The following INTU variants were observed in gnomAD, a reference collection of about 807,000 sequenced individuals.
INTU encodes protein inturned.
In INTU, 68 loss-of-function variants were observed where a neutral mutation model predicts 100.5. The observed-to-expected ratio is 0.68, with a 90% CI of 0.56 to 0.83. The LOEUF is 0.83. INTU is among the 40% of genes least tolerant of loss of function. The pLI, the probability that INTU is intolerant of heterozygous loss-of-function variation, is 0.00. For missense variants in INTU, 1,071 were observed against 1,114.7 expected, an observed-to-expected ratio of 0.96 and a Z score of 0.56; for synonymous variants, 357 against 395.7, an observed-to-expected ratio of 0.90 and a Z score of 1.16.
chr4:127,710,023 C>CGACT (rs1731035167), intron 13 of INTU, among the ~76,000 whole-genome samples: 1 of 152,124 alleles, frequency 6.6e-6, no homozygotes, highest in Admixed American at 6.6e-5. Context: ...TCACAAAACT[C>CGACT]TAGTCTTCCA....
chr4:127,660,221 G>T (rs1476053181), intron 3 of INTU, among the ~76,000 whole-genome samples: 1 of 152,070 alleles, frequency 6.6e-6, no homozygotes, highest in East Asian at 1.9e-4. Flanking sequence ...GAAGGAAAGA[G>T]GACAATATTT....
chr4:127,663,529 C>T lies in INTU; in HGVS notation c.917C>T (p.Pro306Leu). 1 of 1,613,410 alleles carries T rather than the reference C, an allele frequency of 6.2e-7. No homozygotes were observed. The highest frequency in any genetic ancestry group is 8.5e-7 in the Non-Finnish European group (1 of 1,179,566). Residue 306 changes from proline to leucine, a missense_variant, in exon 4 of 16, where the codon CCT becomes CTT. Coordinates refer to ENST00000335251, the MANE Select transcript of INTU (RefSeq NM_015693.4). The part of the protein sequence containing the change: ...EGIQQSGLNT[P>L]HIIMYLTLQL... Reference sequence around the variant, plus strand: ...ATCCAGCAGAGTGGCCTAAACACTCCTCATATCATTATGTATCTCACACTA... The same window carrying T: ...ATCCAGCAGAGTGGCCTAAACACTCTTCATATCATTATGTATCTCACACTA...
Position 127,674,127 on chromosome 4 carries a change from A to G in INTU, c.1095A>G (p.Ser365=). 6.2e-7 allele frequency: 1 copy of G among 1,604,862 alleles called. No homozygotes were observed. The highest frequency in any genetic ancestry group is 8.5e-7 in the Non-Finnish European group (1 of 1,173,278). The change falls in exon 6 of 16, where the codon TCA becomes TCG. Residue 365 remains serine, a synonymous_variant. Transcript: ENST00000335251. The part of the protein sequence containing the change: ...ENVTGTQVTS[S]SLLLNGKQIH... ...TTTTGAATATATTGTTTCTTAGTTC[A>G]TCCCTCCTTTTAAATGGAAAACAAA...
Position 127,706,756 on chromosome 4 carries a change from A to T in INTU, c.2058A>T (p.Val686=), listed in dbSNP as rs770616172. 2 of 1,614,138 alleles carry T rather than the reference A, an allele frequency of 1.2e-6. No homozygotes were observed. The highest frequency in any genetic ancestry group is 2.2e-5 in the South Asian group (2 of 91,088). Residue 686 remains valine (V), a synonymous_variant, in exon 12 of 16, where the codon GTA becomes GTT. Coordinates refer to ENST00000335251, the MANE Select transcript of INTU (RefSeq NM_015693.4). ...ILSRLQGTSK[V]ATSPTCRRTL... ...GTAGGCTACAAGGTACTTCCAAAGTAGCAACTTCTCCAACATGCAGAAGAA... is the reference window on the plus strand; with the variant it reads ...GTAGGCTACAAGGTACTTCCAAAGTTGCAACTTCTCCAACATGCAGAAGAA...
chr4:127,657,647 C>A (rs746116130), intron 3 of INTU, among the ~76,000 whole-genome samples: 20 of 151,868 alleles, frequency 1.3e-4, no homozygotes, highest in Non-Finnish European at 2.9e-4. Context: ...CCTAGGAGCA[C>A]GAACCCTATT....
intron 6 of INTU, 91 bp from the exon 7 acceptor site, chr4:127,684,318 G>A (rs904365334): frequency 3.5e-5 from 25 of 718,522 alleles, no homozygotes; most frequent in South Asian, 2.4e-4. Context: ...TTCACATTCC[G>A]TATGTGTAAA....
rs182475321 is a variant in INTU, at chr4:127,649,524, A to G, written c.682+5468A>G. On this transcript the variant is annotated intron_variant, in intron 2 of 15. Transcript: ENST00000335251. ...AGTGCTTCCAATTTTTTTTTTTTTA[A>G]TATTGCATTATACTTACCTGTTGAG... 2.7e-3 allele frequency among the ~76,000 whole-genome samples: 410 copies of G among 151,122 alleles called. 7 individuals are homozygous for G. The highest frequency in any genetic ancestry group is 0.01 in the East Asian group (53 of 5,158).
intron 6 of INTU, among the ~76,000 whole-genome samples, chr4:127,678,826 G>A (rs1463611547): frequency 6.6e-6 from 1 of 152,018 alleles, no homozygotes; most frequent in Admixed American, 6.6e-5. Context: ...AAAGAGTCAA[G>A]ACCCATCAGT....
intron 2 of INTU, among the ~76,000 whole-genome samples, chr4:127,656,147 G>A (rs1036885466): frequency 9.2e-5 from 14 of 152,122 alleles, no homozygotes; most frequent in African/African-American, 1.7e-4. Flanking sequence ...AGATGAACCC[G>A]GTACCTCAGA....
intron 6 of INTU, among the ~76,000 whole-genome samples, chr4:127,675,245 A>T (rs1456963365): frequency 6.6e-6 from 1 of 152,244 alleles, no homozygotes; most frequent in Non-Finnish European, 1.5e-5. Flanking sequence ...GGAATCAAAT[A>T]TCAAAATAAA....
rs1731409470 is a variant in INTU, at chr4:127,725,829, C to G, written c.*9393C>G. 6.6e-6 allele frequency: 1 copy of G among 152,140 alleles called. No individual in the cohort carries two copies. Among genetic ancestry groups the G allele is most frequent in the South Asian group, 2.1e-4 (1 of 4,814 alleles). The allele number at this position is 152,140 out of a possible 1,614,324, so 9.4% of individuals were successfully genotyped here. On this transcript the variant is annotated 3_prime_UTR_variant, in exon 16 of 16. Transcript: ENST00000335251. Reference sequence around the variant, plus strand: ...TTCTAAATGGATATTGAACTAAGCTCTGAAGGCAAACTTAGCTGCCTATTT... The same window carrying G: ...TTCTAAATGGATATTGAACTAAGCTGTGAAGGCAAACTTAGCTGCCTATTT...
chr4:127,700,949 T>C (rs1730621486), intron 9 of INTU, among the ~76,000 whole-genome samples: 1 of 152,104 alleles, frequency 6.6e-6, no homozygotes, highest in Admixed American at 6.6e-5. Flanking sequence ...ATGAAAGTAG[T>C]CTAACTGAAA....
intron 2 of INTU, among the ~76,000 whole-genome samples, chr4:127,650,076 T>C (rs1036231920): frequency 6.6e-6 from 1 of 152,186 alleles, no homozygotes; most frequent in African/African-American, 2.4e-5. Flanking sequence ...CAGTGTATTT[T>C]GATATGGTTG....
intron 6 of INTU, among the ~76,000 whole-genome samples, chr4:127,675,070 A>G (rs1006677583): frequency 1.3e-5 from 2 of 152,216 alleles, no homozygotes; most frequent in Admixed American, 6.5e-5. Context: ...GATAGACTTA[A>G]CTACTATTAT....
At chr4:127,702,921 C>T (rs1483394561) in intron 9 of INTU, among the ~76,000 whole-genome samples, 1 of 152,060 alleles carries the variant, frequency 6.6e-6, no homozygotes, top group African/African-American at 2.4e-5. Context: ...TCTGGTTGCT[C>T]AGCATACCTC....
chr4:127,653,930 G>C (rs1316059527), intron 2 of INTU, among the ~76,000 whole-genome samples: 2 of 151,476 alleles, frequency 1.3e-5, no homozygotes, highest in Non-Finnish European at 2.9e-5. Context: ...TATATATTTA[G>C]GATAGTTAGC....
At chr4:127,696,017 C>A (rs961386236) in intron 8 of INTU, among the ~76,000 whole-genome samples, 10 of 152,064 alleles carry the variant, frequency 6.6e-5, no homozygotes, top group Admixed American at 5.9e-4. Flanking sequence ...GTCAAACCTG[C>A]CTTGCATACC....
At chr4:127,662,472 T>G (rs1365201791) in intron 3 of INTU, among the ~76,000 whole-genome samples, 1 of 152,178 alleles carries the variant, frequency 6.6e-6, no homozygotes, top group Non-Finnish European at 1.5e-5. Context: ...GTTTCATTCT[T>G]CTATGTGTGG....
chr4:127,700,132 A>G (rs1730584978), intron 9 of INTU, 69 bp downstream of exon 9: 3 of 1,178,286 alleles, frequency 2.5e-6, no homozygotes, highest in Admixed American at 2.1e-5. Flanking sequence ...CATTATTCTA[A>G]ATATTTACCA....
Sources: gnomAD v4.1 joint callset for allele counts (sites outside exome capture counted in the v4.1 genomes callset) on GRCh38, gnomAD v4.1.1 for gene constraint, MANE v1.5 for transcripts, NCBI Gene and HGNC (gene_info 2026-07-23, HGNC 2026-07-21) for gene names.